CABCOCO1: variants seen among roughly 807,000 people sequenced by gnomAD.
CABCOCO1 encodes the protein ciliary-associated calcium-binding coiled-coil protein 1.
CABCOCO1 carries 28 observed loss-of-function variants against 35.7 expected under a neutral mutation model. The ratio of observed to expected loss-of-function variants is 0.78; its 90% CI spans 0.58 to 1.07. The LOEUF is 1.07. CABCOCO1 is among the 50% of genes least tolerant of loss of function. The pLI, the probability that CABCOCO1 is intolerant of heterozygous loss-of-function variation, is 0.00. For synonymous variants in CABCOCO1, 95 were observed against 100.1 expected, an observed-to-expected ratio of 0.95 and a Z score of 0.30; for missense variants, 326 against 309.2, an observed-to-expected ratio of 1.05 and a Z score of -0.41.
chr10:61,726,824 A>AG (rs145206182), intron 5 of CABCOCO1, among the ~76,000 whole-genome samples: 19,148 of 144,804 alleles, frequency 0.13, 1,637 homozygotes, highest in African/African-American at 0.22. Flanking sequence ...TTGGGAGGCG[A>AG]GCGGGGGTGG....
chr10:61,765,358 A>G (rs923727169), intron 7 of CABCOCO1, among the ~76,000 whole-genome samples: 3 of 152,218 alleles, frequency 2.0e-5, no homozygotes, highest in African/African-American at 4.8e-5. Flanking sequence ...CACCTCGGCA[A>G]TCACAAAACC....
In CABCOCO1 at chr10:61,663,008, G is replaced by GGCAGGGCCGACCCCC; in HGVS notation, c.38_39insAGGGCCGACCCCCGC (p.Pro10_Gly14dup). ...GGACGACTCCCTGGGGGCCGACCCC[G>GGCAGGGCCGACCCCC]GCGGGAACCACGCCCGAATCGGAGG... is the stretch of plus-strand genomic sequence containing the variant. On this transcript the variant is annotated inframe_insertion, in exon 1 of 8. Coordinates refer to ENST00000648843, the MANE Select transcript of CABCOCO1 (RefSeq NM_001366906.2). 3.0e-6 allele frequency: 1 copy of GGCAGGGCCGACCCCC among 338,020 alleles called. No individual in the cohort carries two copies. The highest frequency in any genetic ancestry group is 2.1e-5 in the South Asian group (1 of 47,464). The allele number at this position is 338,020 out of a possible 1,614,324, so 20.9% of individuals were successfully genotyped here. A position where few individuals can be genotyped will look rare whatever the true frequency, so the allele number is the denominator to read the frequency against.
At chr10:61,669,081 T>C (rs1258192347) in intron 1 of CABCOCO1, among the ~76,000 whole-genome samples, 2 of 150,906 alleles carry the variant, frequency 1.3e-5, no homozygotes, top group African/African-American at 4.9e-5. Context: ...CCTCTGTGAC[T>C]AGGAAACTTC....
Position 61,699,585 on chromosome 10 carries a change from T to C in CABCOCO1, c.552+8964T>C, listed in dbSNP as rs114962739. On this transcript the variant is annotated intron_variant, in intron 5 of 7. Coordinates refer to ENST00000648843, the MANE Select transcript of CABCOCO1 (RefSeq NM_001366906.2). ...TGTTCTTACTGCCTGAAAAGTTCTC[T>C]AACATTTTGCTACCAACCCATGCCT... Among the ~76,000 whole-genome samples, 695 of 152,192 alleles carry C rather than the reference T, an allele frequency of 4.6e-3. 8 individuals carry two copies. Among genetic ancestry groups the C allele is most frequent in the African/African-American group, 0.015 (641 of 41,542 alleles).
At chr10:61,750,192 C>G (rs1418528476) in intron 5 of CABCOCO1, among the ~76,000 whole-genome samples, 1 of 152,068 alleles carries the variant, frequency 6.6e-6, no homozygotes, top group African/African-American at 2.4e-5. Context: ...TCATTAGGAG[C>G]TAGGTGAGGG....
chr10:61,687,781 G>A (rs1840011679), intron 4 of CABCOCO1, among the ~76,000 whole-genome samples: 1 of 152,072 alleles, frequency 6.6e-6, no homozygotes, highest in Non-Finnish European at 1.5e-5. Context: ...AAAACAAAAA[G>A]TAGTATTTAA....
At chr10:61,703,647 T>C (rs546823648) in intron 5 of CABCOCO1, among the ~76,000 whole-genome samples, 32 of 152,090 alleles carry the variant, frequency 2.1e-4, no homozygotes, top group Non-Finnish European at 2.1e-4. Context: ...CTGTGCTTTT[T>C]GGTATCAGTT....
At chr10:61,752,005 T>C (rs1378659759) in intron 5 of CABCOCO1, among the ~76,000 whole-genome samples, 11 of 152,210 alleles carry the variant, frequency 7.2e-5, no homozygotes, top group African/African-American at 2.2e-4. Flanking sequence ...AGGTCTCTTT[T>C]GAGAACATGT....
chr10:61,694,283 C>A (rs1193115767), intron 5 of CABCOCO1, among the ~76,000 whole-genome samples: 3 of 147,048 alleles, frequency 2.0e-5, no homozygotes, highest in African/African-American at 7.6e-5. Context: ...ACTTTATCAA[C>A]TGTCTTGTTA....
chr10:61,765,789 C>G, intron 7 of CABCOCO1, 150 bp from the exon 8 acceptor site: 1 of 636,882 alleles, frequency 1.6e-6, no homozygotes, highest in Non-Finnish European at 2.7e-6. Flanking sequence ...CACATCACTA[C>G]AGGCTGAAAC....
At chr10:61,679,948 A>G (rs993659898) in intron 2 of CABCOCO1, among the ~76,000 whole-genome samples, 1 of 152,090 alleles carries the variant, frequency 6.6e-6, no homozygotes, top group South Asian at 2.1e-4. Flanking sequence ...AAAAAATTTT[A>G]AGGTTGAAGA....
intron 1 of CABCOCO1, among the ~76,000 whole-genome samples, chr10:61,663,827 A>T (rs1477642490): frequency 6.6e-6 from 1 of 152,040 alleles, no homozygotes; most frequent in African/African-American, 2.4e-5. Context: ...GATATTATAA[A>T]AAAAAAAGTT....
chr10:61,686,684 C>T (rs2131987447), intron 4 of CABCOCO1, among the ~76,000 whole-genome samples: 1 of 152,220 alleles, frequency 6.6e-6, no homozygotes, highest in South Asian at 2.1e-4. Flanking sequence ...TATACTTCCT[C>T]AAATTTATTA....
chr10:61,712,938 A>G (rs1332793279), intron 5 of CABCOCO1, among the ~76,000 whole-genome samples: 7 of 152,126 alleles, frequency 4.6e-5, no homozygotes, highest in Non-Finnish European at 8.8e-5. Context: ...GTCAGGTAGC[A>G]TGATGCTTTC....
chr10:61,678,870 C>T (rs1353959853), intron 2 of CABCOCO1, among the ~76,000 whole-genome samples: 1 of 152,044 alleles, frequency 6.6e-6, no homozygotes, highest in Non-Finnish European at 1.5e-5. Flanking sequence ...GTATGATTAG[C>T]TTAGAATAAT....
At chr10:61,763,165 A>C (rs553483111) in intron 7 of CABCOCO1, among the ~76,000 whole-genome samples, 1 of 152,234 alleles carries the variant, frequency 6.6e-6, no homozygotes, top group South Asian at 2.1e-4. Context: ...TTTAAAAGTC[A>C]TACTGTTATT....
intron 5 of CABCOCO1, among the ~76,000 whole-genome samples, chr10:61,741,234 T>C (rs1202091899): frequency 6.6e-6 from 1 of 152,038 alleles, no homozygotes; most frequent in Non-Finnish European, 1.5e-5. Context: ...ATGGAAGCAA[T>C]GAATAAGTTT....
intron 5 of CABCOCO1, among the ~76,000 whole-genome samples, chr10:61,707,563 G>A (rs1589133423): frequency 6.6e-6 from 1 of 152,224 alleles, no homozygotes; most frequent in South Asian, 2.1e-4. Context: ...CCCTAGTAGT[G>A]GCTATTCTCA....
intron 5 of CABCOCO1, among the ~76,000 whole-genome samples, chr10:61,757,273 C>G (rs1841916868): frequency 6.6e-6 from 1 of 152,012 alleles, no homozygotes; most frequent in African/African-American, 2.4e-5. Flanking sequence ...AAAAAAATCA[C>G]TGTGATGCTT....
Sources: gnomAD v4.1 joint callset for allele counts (sites outside exome capture counted in the v4.1 genomes callset) on GRCh38, gnomAD v4.1.1 for gene constraint, MANE v1.5 for transcripts, NCBI Gene and HGNC (gene_info 2026-07-23, HGNC 2026-07-21) for gene names.